SNIP1: variants seen among roughly 807,000 people sequenced by gnomAD.
SNIP1 encodes the protein smad nuclear-interacting protein 1.
A neutral mutation model predicts 37.4 loss-of-function variants in SNIP1; 23 were observed. That is an observed-to-expected ratio of 0.61 (90% CI 0.44 to 0.87). The LOEUF is 0.87. SNIP1 is among the 40% of genes least tolerant of loss of function. The pLI is 0.00. For missense variants in SNIP1, 459 were observed against 540.4 expected (o/e 0.85, Z 1.49); for synonymous variants, 174 against 200.0 (o/e 0.87, Z 1.10).
Position 37,540,488 on chromosome 1 carries a change from C to T in SNIP1, c.595G>A (p.Gly199Ser), listed in dbSNP as rs766499841. Residue 199 changes from glycine to serine, a missense_variant, in exon 3 of 4, where the codon GGC becomes AGC. By Grantham distance (56) the Gly-to-Ser change is moderately conservative (BLOSUM62 0). Transcript: ENST00000296215. The surrounding 1 kb of genome is among the most constrained non-coding windows in gnomAD (Gnocchi z 5.6). The part of the protein sequence containing the change: ...HRQRNDVGGG[G>S]SESQELVPRP... Reference sequence around the variant, plus strand: ...GGAACCAACTCCTGAGACTCACTGCCGCCACCACCAACGTCATTCCTCTGG... The same window carrying T: ...GGAACCAACTCCTGAGACTCACTGCTGCCACCACCAACGTCATTCCTCTGG... 2.6e-5 allele frequency: 42 copies of T among 1,613,988 alleles called. No homozygotes were observed. The highest frequency in any genetic ancestry group is 1.5e-4 in the South Asian group (14 of 91,072).
At chr1:37,544,194 C>G (rs1207705684) in intron 2 of SNIP1, among the ~76,000 whole-genome samples, 1 of 150,966 alleles carries the variant, frequency 6.6e-6, no homozygotes, top group Non-Finnish European at 1.5e-5. Context: ...CGCCTGCAAT[C>G]CTAGCACTTT....
At chr1:37,552,129 A>G (rs767364232) in intron 2 of SNIP1, among the ~76,000 whole-genome samples, 8 of 152,244 alleles carry the variant, frequency 5.3e-5, no homozygotes, top group Non-Finnish European at 1.2e-4. Flanking sequence ...CCTAAAGGTT[A>G]CATACTGTAT....
Position 37,554,186 on chromosome 1 carries a change from C to T in SNIP1, c.44G>A (p.Arg15Lys). The T allele has an allele frequency of 6.2e-7, 1 of 1,611,274 alleles. No homozygotes were observed. Among genetic ancestry groups the T allele is most frequent in the Non-Finnish European group, 8.5e-7 (1 of 1,178,402 alleles). Reference protein sequence around the residue: ...KSERERGSRRRHRDGDVVLPA... With the variant: ...KSERERGSRRKHRDGDVVLPA... ...CAGCACCACGTCCCCGTCCCGGTGT[C>T]TTCGCCGGCTCCCTCGCTCCCGTTC... The change falls in exon 1 of 4, where the codon AGA becomes AAA. Residue 15 changes from arginine (R) to lysine (K), a missense_variant. Transcript: ENST00000296215.
chr1:37,550,171 G>C (rs915281053), intron 2 of SNIP1, among the ~76,000 whole-genome samples: 1 of 152,094 alleles, frequency 6.6e-6, no homozygotes, highest in African/African-American at 2.4e-5. Flanking sequence ...TCTAGGGCTA[G>C]GCAAAAAGTT....
At chr1:37,538,529 A>AAC (rs1643128420) in intron 3 of SNIP1, among the ~76,000 whole-genome samples, 1 of 150,560 alleles carries the variant, frequency 6.6e-6, no homozygotes, top group South Asian at 2.1e-4. Flanking sequence ...AAAAAAAAAA[A>AAC]GGTGAGAATG....
At position 37,540,549 on chromosome 1, in the gene SNIP1, CTCT is replaced by C; in HGVS notation, c.531_533del (p.Glu178del). 6.2e-7 allele frequency: 1 copy of C among 1,614,130 alleles called. No homozygotes were observed. Among genetic ancestry groups the C allele is most frequent in the Non-Finnish European group, 8.5e-7 (1 of 1,180,026 alleles). ...GTCGCCTGGCATTATAAAACTCCCG[CTCT>C]TCTTCCTGAGCCTGCAGGTTCTGAG... On this transcript the variant is annotated inframe_deletion, in exon 3 of 4. Transcript: ENST00000296215. The surrounding 1 kb of genome is among the most constrained non-coding windows in gnomAD (Gnocchi z 5.6).
In SNIP1 at chr1:37,536,207, C is replaced by T. The variant is rs1289459568; in HGVS notation, c.*1541G>A. Reference sequence around the variant, plus strand: ...CTGAATGAACATTAGTCAGCTGCCCCTCCCACTAGCCAATCTTTAGCCCTG... The same window carrying T: ...CTGAATGAACATTAGTCAGCTGCCCTTCCCACTAGCCAATCTTTAGCCCTG... On this transcript the variant is annotated 3_prime_UTR_variant, in exon 4 of 4. Coordinates refer to ENST00000296215, the MANE Select transcript of SNIP1 (RefSeq NM_024700.4). 6.6e-6 allele frequency: 1 copy of T among 152,214 alleles called. No homozygotes were observed. The highest frequency in any genetic ancestry group is 1.5e-5 in the Non-Finnish European group (1 of 68,046). The allele number at this position is 152,214 out of a possible 1,614,324, so 9.4% of individuals were successfully genotyped here.
Position 37,540,769 on chromosome 1 carries a change from A to AG in SNIP1, c.328-15dup. ...ATCCTCACGCTCCTAAAATTCAAAC[A>AG]GATTCTGTAATTTAAACGCAGTGCA... On this transcript the variant is annotated splice_polypyrimidine_tract_variant and intron_variant, in intron 2 of 3. Coordinates refer to ENST00000296215, the MANE Select transcript of SNIP1 (RefSeq NM_024700.4). This position sits in a 1 kb window ranked among gnomAD's most constrained non-coding sequence, Gnocchi z 5.6. 6.4e-7 allele frequency: 1 copy of AG among 1,568,202 alleles called. No individual in the cohort carries two copies. Among genetic ancestry groups the AG allele is most frequent in the Admixed American group, 1.8e-5 (1 of 54,980 alleles).
intron 2 of SNIP1, among the ~76,000 whole-genome samples, chr1:37,547,765 A>C (rs912542135): frequency 6.6e-6 from 1 of 151,986 alleles, no homozygotes; most frequent in East Asian, 1.9e-4. Context: ...AAAAAAACAC[A>C]AAATGGTGGT....
At chr1:37,544,106 T>A (rs1643202281) in intron 2 of SNIP1, among the ~76,000 whole-genome samples, 1 of 148,134 alleles carries the variant, frequency 6.8e-6, no homozygotes, top group Non-Finnish European at 1.5e-5. Context: ...ATGGAGCCAC[T>A]GCATTGTAGC....
At chr1:37,538,115 G>T in intron 3 of SNIP1, 103 bp from the exon 4 acceptor site, 1 of 1,312,542 alleles carries the variant, frequency 7.6e-7, no homozygotes, top group Non-Finnish European at 1.0e-6. Flanking sequence ...TAAATAACCT[G>T]GCTTGAGCAC....
chr1:37,540,722 C>A lies in SNIP1; in HGVS notation c.361G>T (p.Asp121Tyr), dbSNP rs1157379746. 8 of 1,610,748 alleles carry A rather than the reference C, an allele frequency of 5.0e-6. No individual in the cohort carries two copies. Among genetic ancestry groups the A allele is most frequent in the Non-Finnish European group, 6.8e-6 (8 of 1,178,316 alleles). The change falls in exon 3 of 4, where the codon GAT becomes TAT. Residue 121 changes from aspartate to tyrosine, a missense_variant. Coordinates refer to ENST00000296215, the MANE Select transcript of SNIP1 (RefSeq NM_024700.4). The surrounding 1 kb of genome is among the most constrained non-coding windows in gnomAD (Gnocchi z 5.6). Reference sequence around the variant, plus strand: ...TCTGATGGTTCCCTGTGCTGCCGATCCTCCCGTCCTCTCCGGGGATGATCC... The same window carrying A: ...TCTGATGGTTCCCTGTGCTGCCGATACTCCCGTCCTCTCCGGGGATGATCC... The part of the protein sequence containing the change: ...REDHPRRGRE[D>Y]RQHREPSEQE...
In SNIP1 at chr1:37,548,324, G is replaced by A. The variant is rs1359924242; in HGVS notation, c.327+4321C>T. Among the ~76,000 whole-genome samples the A allele has an allele frequency of 3.3e-5, 5 of 151,060 alleles. No individual in the cohort carries two copies. The South Asian group carries it at 8.4e-4, about 25-fold the overall frequency. On this transcript the variant is annotated intron_variant, in intron 2 of 3. Transcript: ENST00000296215. ...TACTGTTATTTGTCTTTTAAAATTT[G>A]CTTTTTTTTTTAAAACAGTCTTGCT...
Position 37,537,793 on chromosome 1 carries a change from T to C in SNIP1, c.1146A>G (p.Lys382=), listed in dbSNP as rs1643117184. 6.2e-7 allele frequency: 1 copy of C among 1,614,222 alleles called. No individual in the cohort carries two copies. Among genetic ancestry groups the C allele is most frequent in the Admixed American group, 1.7e-5 (1 of 60,018 alleles). ...CCTCCTCCTCCTCATCCTCGTCATC[T>C]TTCCTGTCTATTTCAGAAGTGTCCG... ...ESSDTSEIDR[K]DDEDEEEEEE... The change falls in exon 4 of 4, where the codon AAA becomes AAG. Residue 382 remains lysine (K), a synonymous_variant. Coordinates refer to ENST00000296215, the MANE Select transcript of SNIP1 (RefSeq NM_024700.4).
In SNIP1 at chr1:37,554,017, T is replaced by C. The variant is rs773064902; in HGVS notation, c.213A>G (p.Arg71=). The change falls in exon 1 of 4, where the codon CGA becomes CGG. Residue 71 remains arginine, a synonymous_variant. Coordinates refer to ENST00000296215, the MANE Select transcript of SNIP1 (RefSeq NM_024700.4). ...ARSGHRGNRA[R]GVSRSPPKKK... ...GCTCCCCCACTTACCGGCTAACTCC[T>C]CGGGCTCGGTTCCCGCGGTGGCCCG... is the stretch of plus-strand genomic sequence containing the variant. 4.5e-5 allele frequency: 70 copies of C among 1,566,942 alleles called. No homozygotes were observed. Among genetic ancestry groups the C allele is most frequent in the Non-Finnish European group, 5.8e-5 (67 of 1,156,272 alleles).
chr1:37,553,627 AC>A (rs1048560925), intron 1 of SNIP1, among the ~76,000 whole-genome samples: 44 of 152,052 alleles, frequency 2.9e-4, no homozygotes, highest in African/African-American at 9.4e-4. Flanking sequence ...GCTCGCTTAG[AC>A]CTCGATGTGA....
chr1:37,537,796 C>T lies in SNIP1; in HGVS notation c.1143G>A (p.Arg381=), dbSNP rs766161935. The T allele has an allele frequency of 6.2e-7, 1 of 1,614,238 alleles. No homozygotes were observed. The highest frequency in any genetic ancestry group is 8.5e-7 in the Non-Finnish European group (1 of 1,180,040). ...HESSDTSEID[R]KDDEDEEEEE... ...CCTCCTCCTCATCCTCGTCATCTTT[C>T]CTGTCTATTTCAGAAGTGTCCGACG... is the stretch of plus-strand genomic sequence containing the variant. The change falls in exon 4 of 4, where the codon AGG becomes AGA. Residue 381 remains arginine (R), a synonymous_variant. Coordinates refer to ENST00000296215, the MANE Select transcript of SNIP1 (RefSeq NM_024700.4).
intron 1 of SNIP1, 118 bp from the exon 2 acceptor site, chr1:37,552,865 G>A: frequency 1.2e-6 from 1 of 824,644 alleles, no homozygotes; most frequent in Non-Finnish European, 2.1e-6. Flanking sequence ...GTCTCTGCCG[G>A]TCACATTAAA....
At chr1:37,546,692 AG>A (rs1367163115) in intron 2 of SNIP1, among the ~76,000 whole-genome samples, 1 of 152,124 alleles carries the variant, frequency 6.6e-6, no homozygotes, top group African/African-American at 2.4e-5. Flanking sequence ...AGAGAAAGAA[AG>A]AAAGAAAAAG....
Sources: allele counts gnomAD v4.1 joint callset (sites outside exome capture counted in the v4.1 genomes callset), GRCh38; gene constraint gnomAD v4.1.1; non-coding constraint Gnocchi (gnomAD v3.1); transcripts MANE v1.5; gene names NCBI Gene and HGNC (gene_info 2026-07-23, HGNC 2026-07-21).